Variants in CENPM observed in about 807,000 individuals in gnomAD.
CENPM encodes interphase centromere complex protein 39.
In CENPM, 14 loss-of-function variants were observed where a neutral mutation model predicts 19.6. The observed-to-expected ratio is 0.71, with a 90% CI of 0.47 to 1.11. CENPM has a LOEUF of 1.11. Among genes scored for constraint, CENPM ranks in the 50% most tolerant of loss-of-function variants. CENPM has a pLI of 0.00. For missense variants in CENPM, 239 were observed against 228.4 expected (o/e 1.05, Z -0.30); for synonymous variants, 114 against 101.5 (o/e 1.12, Z -0.74).
intron 3 of CENPM, 88 bp from the exon 4 acceptor site, chr22:41,945,392 A>G: frequency 5.7e-6 from 9 of 1,576,044 alleles, no homozygotes; most frequent in Non-Finnish European, 7.8e-6. Context: ...CTCTGATCCT[A>G]GAGGCCAGAG....
At chr22:41,930,851 T>C in the CENPM span, among the ~76,000 whole-genome samples, 1 of 149,540 alleles carries the variant, frequency 6.7e-6, no homozygotes, top group East Asian at 2.0e-4. Context: ...TTTTTTTTTT[T>C]TTTGAGATGG....
At chr22:41,945,880 T>C in intron 3 of CENPM, 33 bp downstream of exon 3, 1 of 1,554,584 alleles carries the variant, frequency 6.4e-7, no homozygotes, top group Non-Finnish European at 8.9e-7. Flanking sequence ...CAGGCCTGCC[T>C]GAGCCCTGAC....
chr22:41,945,190 G>A, intron 4 of CENPM, 35 bp downstream of exon 4: 1 of 1,613,606 alleles, frequency 6.2e-7, no homozygotes, highest in Non-Finnish European at 8.5e-7. Context: ...TCCCTTGGCT[G>A]GGGGTGGGCA....
the CENPM span, among the ~76,000 whole-genome samples, chr22:41,930,101 G>A: frequency 6.6e-6 from 1 of 151,146 alleles, no homozygotes; most frequent in Non-Finnish European, 1.5e-5. Flanking sequence ...CCGCCACCAT[G>A]CCCGGCAAAT....
At chr22:41,938,281 A>G (rs1236809571), downstream of CENPM, among the ~76,000 whole-genome samples, 2 of 150,880 alleles carry the variant, frequency 1.3e-5, no homozygotes, top group Non-Finnish European at 2.9e-5. Flanking sequence ...AGTTGAGACT[A>G]CAGGCCTGCA....
At chr22:41,937,483 A>G (rs1265375271), downstream of CENPM, among the ~76,000 whole-genome samples, 1 of 151,978 alleles carries the variant, frequency 6.6e-6, no homozygotes, top group East Asian at 1.9e-4. Flanking sequence ...TTTAGTGGAG[A>G]CGGGGTTTCA....
chr22:41,939,295 T>C, intron 5 of CENPM, 99 bp from the exon 6 acceptor site: 1 of 1,419,354 alleles, frequency 7.0e-7, no homozygotes, highest in Non-Finnish European at 9.4e-7. Flanking sequence ...TGGGGGCGGA[T>C]ACTTGGGGGT....
intron 5 of CENPM, among the ~76,000 whole-genome samples, chr22:41,939,826 G>GAAAAAGAAAGAA (rs377402034): frequency 1.3e-5 from 1 of 75,158 alleles, no homozygotes; most frequent in African/African-American, 7.1e-5. Context: ...GAAAAAGAAA[G>GAAAAAGAAAGAA]AAAGAAAGAA....
downstream of CENPM, among the ~76,000 whole-genome samples, chr22:41,938,365 T>G (rs1375160337): frequency 7.2e-6 from 1 of 139,268 alleles, no homozygotes; most frequent in African/African-American, 2.8e-5. Flanking sequence ...TGGTCTCGCT[T>G]TTTTTTTTTT....
chr22:41,932,724 G>A, the CENPM span, among the ~76,000 whole-genome samples: 2 of 152,236 alleles, frequency 1.3e-5, no homozygotes, highest in African/African-American at 4.8e-5. This position sits in a 1 kb window ranked among gnomAD's most constrained non-coding sequence, Gnocchi z 4.3. Context: ...CCAGGTGTGT[G>A]AAGTAGAGGG....
intron 3 of CENPM, 88 bp from the exon 4 acceptor site, chr22:41,945,392 A>T: frequency 6.3e-7 from 1 of 1,576,044 alleles, no homozygotes; most frequent in Non-Finnish European, 8.6e-7. Flanking sequence ...CTCTGATCCT[A>T]GAGGCCAGAG....
chr22:41,939,983 AT>A (rs977637477), intron 5 of CENPM, among the ~76,000 whole-genome samples: 1 of 151,818 alleles, frequency 6.6e-6, no homozygotes, highest in African/African-American at 2.4e-5. Flanking sequence ...AGAGGGGTCC[AT>A]TTAAAACCCA....
At chr22:41,930,728 G>T in the CENPM span, among the ~76,000 whole-genome samples, 1 of 151,304 alleles carries the variant, frequency 6.6e-6, no homozygotes, top group South Asian at 2.1e-4. Context: ...CCATGTTGGG[G>T]AGGCTAGTCT....
downstream of CENPM, among the ~76,000 whole-genome samples, chr22:41,934,001 G>C (rs1602380096): frequency 6.6e-6 from 1 of 152,224 alleles, no homozygotes; most frequent in African/African-American, 2.4e-5. Flanking sequence ...GACCTGAAAA[G>C]GGGGGCAGGC....
At chr22:41,931,429 G>A in the CENPM span, among the ~76,000 whole-genome samples, 4 of 151,908 alleles carry the variant, frequency 2.6e-5, no homozygotes, top group Admixed American at 2.6e-4. Flanking sequence ...ACAGTGAGCT[G>A]AGGTCGTGCC....
chr22:41,933,219 G>A, the CENPM span, among the ~76,000 whole-genome samples: 3 of 152,046 alleles, frequency 2.0e-5, no homozygotes, highest in Non-Finnish European at 4.4e-5. Context: ...AGCCCTGTGT[G>A]GGGCTAGCAC....
In CENPM at chr22:41,938,951, G is replaced by A; in HGVS notation, c.*105C>T. The A allele has an allele frequency of 6.9e-7, 1 of 1,451,094 alleles. No individual in the cohort carries two copies. Among genetic ancestry groups the A allele is most frequent in the Non-Finnish European group, 9.4e-7 (1 of 1,068,534 alleles). 89.9% of individuals were successfully genotyped at this position (1,451,094 alleles called of 1,614,324 possible). On this transcript the variant is annotated 3_prime_UTR_variant, in exon 6 of 6. Transcript: ENST00000215980. ...GCAGGGAACCTTCCCAGCCACGGCG[G>A]GCTGAGCCTGGGCCTGTCAAGCCCT...
intron 2 of CENPM, 135 bp from the exon 3 acceptor site, chr22:41,946,140 C>G: frequency 1.3e-6 from 1 of 785,332 alleles, no homozygotes. Context: ...CTCTTGTGGC[C>G]ACGACTCCTT....
rs897728413 is a variant in CENPM at position 41,946,947 on chromosome 22, T to G, written c.57+73A>C. 155 of 1,481,214 alleles carry G rather than the reference T, an allele frequency of 1.0e-4. No homozygotes were observed. In the African/African-American group the frequency reaches 1.9e-3, roughly 18 times the overall value. The allele number at this position is 1,481,214 out of a possible 1,614,324, so 91.8% of individuals were successfully genotyped here. On this transcript the variant is annotated intron_variant, in intron 1 of 5. Transcript: ENST00000215980. ...GCGCTGGCTTGGCGCCTCAGAGAGC[T>G]CAGTTGACCTAGTGGCTGAAGCACC...
Sources: gnomAD v4.1 joint callset for allele counts (sites outside exome capture counted in the v4.1 genomes callset) on GRCh38, gnomAD v4.1.1 for gene constraint, Gnocchi (gnomAD v3.1) non-coding constraint, MANE v1.5 for transcripts, NCBI Gene and HGNC (gene_info 2026-07-23, HGNC 2026-07-21) for gene names.